PLCL2: variants seen among roughly 807,000 people sequenced by gnomAD.
PLCL2 encodes inactive phospholipase C-like protein 2.
PLCL2 carries 4 observed loss-of-function variants against 79.6 expected under a neutral mutation model. The observed-to-expected ratio is 0.05, with a 90% CI of 0.02 to 0.11. PLCL2 has a LOEUF of 0.11. Ranked by LOEUF, PLCL2 falls within the 10% of genes least tolerant of loss-of-function variation. The pLI, the probability that PLCL2 is intolerant of heterozygous loss-of-function variation, is 1.00. For synonymous variants in PLCL2, 484 were observed against 457.7 expected, an observed-to-expected ratio of 1.06 and a Z score of -0.73; for missense variants, 895 against 1,291.0, an observed-to-expected ratio of 0.69 and a Z score of 4.70.
In PLCL2 at chr3:17,009,657, T is replaced by C; in HGVS notation, c.328-17T>C. ...ATATTTATGTTATTCTAATATACGG[T>C]CTTTTTTTCCTCTCAGGATGGTACA... On this transcript the variant is annotated splice_polypyrimidine_tract_variant and intron_variant, in intron 1 of 5. Transcript: ENST00000615277. This position sits in a 1 kb window ranked among gnomAD's most constrained non-coding sequence, Gnocchi z 4.0. The C allele has an allele frequency of 7.5e-7, 1 of 1,338,758 alleles. No homozygotes were observed. Among genetic ancestry groups the C allele is most frequent in the Non-Finnish European group, 1.0e-6 (1 of 958,254 alleles). 82.9% of individuals were successfully genotyped at this position (1,338,758 alleles called of 1,614,324 possible).
intron 4 of PLCL2, among the ~76,000 whole-genome samples, chr3:17,063,713 G>GT (rs746795168): frequency 2.0e-5 from 3 of 152,262 alleles, no homozygotes; most frequent in Non-Finnish European, 2.9e-5. Context: ...CTGGATTACT[G>GT]TAACAGTCTC....
At position 17,010,546 on chromosome 3, in the gene PLCL2, C is replaced by T; in HGVS notation, c.1200C>T (p.Leu400=). The T allele has an allele frequency of 2.5e-6, 4 of 1,614,100 alleles. No homozygotes were observed. Among genetic ancestry groups the T allele is most frequent in the Non-Finnish European group, 3.4e-6 (4 of 1,179,994 alleles). The stretch of plus-strand genomic sequence containing the variant: ...AAGAGGGTCAGGAAAAGGGCTGGCT[C>T]TCCATAGACGGGTTCACTAATTACC... The part of the protein sequence containing the change: ...PSKEGQEKGW[L]SIDGFTNYLM... The change falls in exon 2 of 6, where the codon CTC becomes CTT. Residue 400 remains leucine, a synonymous_variant. Transcript: ENST00000615277. This position sits in a 1 kb window ranked among gnomAD's most constrained non-coding sequence, Gnocchi z 5.8.
chr3:16,932,124 C>T (rs1028252593), intron 1 of PLCL2, among the ~76,000 whole-genome samples: 2 of 152,174 alleles, frequency 1.3e-5, no homozygotes, highest in Non-Finnish European at 2.9e-5. Context: ...TTGTTTTAAG[C>T]TACCAGTCTA....
intron 1 of PLCL2, among the ~76,000 whole-genome samples, chr3:16,928,621 A>G (rs1240284355): frequency 6.6e-6 from 1 of 152,208 alleles, no homozygotes; most frequent in Non-Finnish European, 1.5e-5. Flanking sequence ...GAGCTGAGCT[A>G]GAGTTTGAAT....
intron 5 of PLCL2, among the ~76,000 whole-genome samples, chr3:17,073,544 G>C (rs914122261): frequency 6.6e-6 from 1 of 152,162 alleles, no homozygotes; most frequent in Non-Finnish European, 1.5e-5. Context: ...AGTGGAGCTT[G>C]CTACACTGAT....
intron 5 of PLCL2, among the ~76,000 whole-genome samples, chr3:17,084,817 A>T (rs1029816414): frequency 4.6e-5 from 7 of 152,238 alleles, no homozygotes; most frequent in Non-Finnish European, 8.8e-5. Context: ...TACTGCTTAC[A>T]TCATATTTAA....
Position 17,014,713 on chromosome 3 carries a change from G to C in PLCL2, c.2820G>C (p.Ala940=), listed in dbSNP as rs773472078. 1.9e-6 allele frequency: 3 copies of C among 1,611,448 alleles called. No individual in the cohort carries two copies. In the South Asian group the frequency reaches 3.3e-5, roughly 18 times the overall value. Reference sequence around the variant, plus strand: ...CCTTTCATTCCATTTAACAGAATGCGGTGGTGTCATTCAAGGAGCTGTGTG... The same window carrying C: ...CCTTTCATTCCATTTAACAGAATGCCGTGGTGTCATTCAAGGAGCTGTGTG... ...ATDLRENMQN[A]VVSFKELCGL... is the part of the protein sequence containing the mutation. The change falls in exon 3 of 6, where the codon GCG becomes GCC. Residue 940 remains alanine, a synonymous_variant. Coordinates refer to ENST00000615277, the MANE Select transcript of PLCL2 (RefSeq NM_001144382.2).
At chr3:17,044,930 A>G (rs1252722221) in intron 4 of PLCL2, among the ~76,000 whole-genome samples, 1 of 152,176 alleles carries the variant, frequency 6.6e-6, no homozygotes, top group Non-Finnish European at 1.5e-5. Context: ...ATGGGGGGAG[A>G]ATAACCACTG....
At chr3:16,913,462 A>G (rs1696926774) in intron 1 of PLCL2, among the ~76,000 whole-genome samples, 2 of 151,662 alleles carry the variant, frequency 1.3e-5, no homozygotes, top group Non-Finnish European at 2.9e-5. Flanking sequence ...TCTCAATTAT[A>G]TTTTCAGATT....
intron 1 of PLCL2, among the ~76,000 whole-genome samples, chr3:16,991,307 A>C (rs1157969462): frequency 6.6e-6 from 1 of 152,200 alleles, no homozygotes. Context: ...GTAGCTCAGT[A>C]AAGGTTAGCT....
At chr3:16,953,348 A>C (rs2124961215) in intron 1 of PLCL2, among the ~76,000 whole-genome samples, 1 of 152,300 alleles carries the variant, frequency 6.6e-6, no homozygotes, top group South Asian at 2.1e-4. Context: ...GAATTTGTAC[A>C]GAAAACATGA....
intron 1 of PLCL2, among the ~76,000 whole-genome samples, chr3:16,912,620 T>G (rs1696907903): frequency 6.6e-6 from 1 of 152,236 alleles, no homozygotes; most frequent in African/African-American, 2.4e-5. Context: ...TGAGCAACAT[T>G]GCTCAAAAAG....
chr3:16,955,148 G>A (rs370356692), intron 1 of PLCL2, among the ~76,000 whole-genome samples: 3 of 152,264 alleles, frequency 2.0e-5, no homozygotes, highest in African/African-American at 4.8e-5. Context: ...TCTAGGGTTT[G>A]TATGGTTTTA....
At chr3:17,036,157 G>C (rs1030934135) in intron 3 of PLCL2, among the ~76,000 whole-genome samples, 2 of 152,160 alleles carry the variant, frequency 1.3e-5, no homozygotes, top group African/African-American at 2.4e-5. Context: ...ATAGGCACCA[G>C]CTCTCTGTCC....
At chr3:16,904,132 A>G (rs1696694570) in intron 1 of PLCL2, among the ~76,000 whole-genome samples, 1 of 152,016 alleles carries the variant, frequency 6.6e-6, no homozygotes, top group Admixed American at 6.6e-5. Context: ...TTTGGTGAAA[A>G]AAGTCCCATG....
intron 3 of PLCL2, among the ~76,000 whole-genome samples, chr3:17,027,000 A>G (rs1194587930): frequency 2.0e-5 from 3 of 152,240 alleles, no homozygotes; most frequent in Admixed American, 1.3e-4. Flanking sequence ...ACGAATTTTA[A>G]GCTGTTTTCC....
At chr3:16,984,656 G>C (rs2124990753) in intron 1 of PLCL2, among the ~76,000 whole-genome samples, 1 of 152,280 alleles carries the variant, frequency 6.6e-6, no homozygotes, top group Admixed American at 6.5e-5. Flanking sequence ...GACCTGGCCA[G>C]GTGCGCTGGC....
chr3:16,915,757 G>A (rs1043634580), intron 1 of PLCL2, among the ~76,000 whole-genome samples: 1 of 152,096 alleles, frequency 6.6e-6, no homozygotes, highest in Non-Finnish European at 1.5e-5. Flanking sequence ...CATTATTTGG[G>A]TCAGGCCAGG....
At chr3:16,913,255 A>G (rs554189779) in intron 1 of PLCL2, among the ~76,000 whole-genome samples, 1 of 151,910 alleles carries the variant, frequency 6.6e-6, no homozygotes, top group Admixed American at 6.6e-5. Flanking sequence ...TCTGTACCCT[A>G]TTCCAGAATT....
Sources: gnomAD v4.1 joint callset for allele counts (sites outside exome capture counted in the v4.1 genomes callset) on GRCh38, gnomAD v4.1.1 for gene constraint, Gnocchi (gnomAD v3.1) non-coding constraint, MANE v1.5 for transcripts, NCBI Gene and HGNC (gene_info 2026-07-23, HGNC 2026-07-21) for gene names.